The following SEC31A variants were observed in gnomAD, a reference collection of about 807,000 sequenced individuals.
SEC31A encodes protein transport protein Sec31A.
In SEC31A, 70 loss-of-function variants were observed where a neutral mutation model predicts 151.0. The ratio of observed to expected loss-of-function variants is 0.46; its 90% CI spans 0.38 to 0.57. SEC31A has a LOEUF of 0.57. Among genes scored for constraint, SEC31A ranks in the 20% least tolerant of loss-of-function variants. The pLI is 0.00. For missense variants in SEC31A, 1,330 were observed against 1,471.2 expected, an observed-to-expected ratio of 0.90 and a Z score of 1.57; for synonymous variants, 475 against 505.9, an observed-to-expected ratio of 0.94 and a Z score of 0.82.
At chr4:82,827,708 G>A (rs1724920235) in intron 23 of SEC31A, 76 bp from the exon 24 acceptor site, 2 of 1,500,576 alleles carry the variant, frequency 1.3e-6, no homozygotes, top group East Asian at 2.3e-5. Context: ...CTTAAAATAA[G>A]GGAGTTAGGT....
intron 2 of SEC31A, among the ~76,000 whole-genome samples, chr4:82,881,288 A>T (rs1389699521): frequency 6.6e-6 from 1 of 152,126 alleles, no homozygotes; most frequent in Non-Finnish European, 1.5e-5. Context: ...ACATGGTGAA[A>T]TCCCATCTCT....
intron 1 of SEC31A, 40 bp from the exon 2 acceptor site, chr4:82,881,980 T>C: frequency 6.8e-7 from 1 of 1,461,862 alleles, no homozygotes; most frequent in Non-Finnish European, 9.6e-7. Context: ...CTTGAATGAC[T>C]TGAATGTCTA....
At chr4:82,900,306 G>A (rs1720261465) in intron 1 of SEC31A, 1 of 167,594 alleles carries the variant, frequency 6.0e-6, no homozygotes, top group African/African-American at 2.4e-5. Flanking sequence ...ACACACCTAA[G>A]GCACCGTGTT....
intron 1 of SEC31A, among the ~76,000 whole-genome samples, chr4:82,889,106 C>T (rs1414556356): frequency 6.6e-6 from 1 of 152,168 alleles, no homozygotes; most frequent in African/African-American, 2.4e-5. Context: ...AGGTTCATTT[C>T]ACTCAACCCA....
intron 22 of SEC31A, 26 bp downstream of exon 22, chr4:82,842,114 A>C (rs1309996152): frequency 1.3e-6 from 2 of 1,515,728 alleles, no homozygotes; most frequent in Admixed American, 2.2e-5. Flanking sequence ...GGAGGGGGCC[A>C]AACCAAATCC....
intron 7 of SEC31A, chr4:82,871,371 T>G: frequency 6.6e-6 from 10 of 1,524,260 alleles, no homozygotes; most frequent in Non-Finnish European, 6.2e-6. Flanking sequence ...GTTTTACCTA[T>G]GGATGGGCAT....
rs561100292 is a variant in SEC31A at position 82,889,540 on chromosome 4, C to G, written c.-5+1548G>C. Among the ~76,000 whole-genome samples, 79 of 101,446 alleles carry G rather than the reference C, an allele frequency of 7.8e-4. 1 individual carries two copies. The South Asian group carries it at 0.022, about 28-fold the overall frequency. The allele number at this position is 101,446 out of a possible 152,430, so 66.6% of individuals were successfully genotyped here. On this transcript the variant is annotated intron_variant, in intron 1 of 26. Coordinates refer to ENST00000395310, the MANE Select transcript of SEC31A (RefSeq NM_001077207.4). Reference sequence around the variant, plus strand: ...CCAATCTGGGCAACAAAGAGGGACCCTGTCTCAAAAAAAAAAAAAAAGTAA... The same window carrying G: ...CCAATCTGGGCAACAAAGAGGGACCGTGTCTCAAAAAAAAAAAAAAAGTAA...
At chr4:82,833,226 TA>T (rs1726389193) in intron 22 of SEC31A, among the ~76,000 whole-genome samples, 1 of 152,000 alleles carries the variant, frequency 6.6e-6, no homozygotes, top group Non-Finnish European at 1.5e-5. Context: ...TATGCAGCCA[TA>T]AAAAAGGATG....
chr4:82,845,578 A>C (rs575911520), intron 20 of SEC31A, among the ~76,000 whole-genome samples: 1 of 152,266 alleles, frequency 6.6e-6, no homozygotes, highest in East Asian at 1.9e-4. Flanking sequence ...AATGCCATTC[A>C]AGTGTCAATT....
intron 14 of SEC31A, among the ~76,000 whole-genome samples, chr4:82,860,652 T>TA (rs570217873): frequency 7.8e-4 from 118 of 150,916 alleles, no homozygotes; most frequent in Non-Finnish European, 1.6e-3. Flanking sequence ...TTTTATTTTT[T>TA]TTTTTAGAGA....
At chr4:82,877,097 C>T (rs1005379724) in intron 4 of SEC31A, among the ~76,000 whole-genome samples, 2 of 152,042 alleles carry the variant, frequency 1.3e-5, no homozygotes, top group Non-Finnish European at 2.9e-5. Context: ...GGTGTTGTGG[C>T]TCATGCCTGT....
intron 6 of SEC31A, among the ~76,000 whole-genome samples, chr4:82,872,736 C>G (rs959814078): frequency 4.6e-5 from 7 of 151,748 alleles, no homozygotes; most frequent in Non-Finnish European, 1.0e-4. Context: ...TGGAGTCTCG[C>G]TCTGTCACCC....
chr4:82,881,002 A>T, intron 2 of SEC31A, 80 bp from the exon 3 acceptor site: 1 of 1,219,132 alleles, frequency 8.2e-7, no homozygotes, highest in South Asian at 1.4e-5. Context: ...AGTTAAAAGC[A>T]TGTTTTCCAT....
intron 20 of SEC31A, chr4:82,845,209 C>CA (rs746628728): frequency 1.0e-5 from 16 of 1,529,652 alleles, no homozygotes; most frequent in Non-Finnish European, 1.4e-5. Context: ...ACCTGTGTGT[C>CA]AGAGGGAGAG....
intron 22 of SEC31A, among the ~76,000 whole-genome samples, chr4:82,834,612 G>A (rs1726780242): frequency 6.6e-6 from 1 of 152,090 alleles, no homozygotes; most frequent in Non-Finnish European, 1.5e-5. Flanking sequence ...CTGAATAGAA[G>A]GCAATATTTT....
At chr4:82,861,460 T>C (rs1215407857) in intron 14 of SEC31A, among the ~76,000 whole-genome samples, 171 bp downstream of exon 14, 1 of 152,234 alleles carries the variant, frequency 6.6e-6, no homozygotes, top group East Asian at 1.9e-4. Context: ...AGTCTGGAGA[T>C]GATACTTCTG....
At chr4:82,867,641 T>C (rs1735693500) in intron 8 of SEC31A, among the ~76,000 whole-genome samples, 1 of 152,170 alleles carries the variant, frequency 6.6e-6, no homozygotes, top group Admixed American at 6.5e-5. Flanking sequence ...ACTTTTTTTT[T>C]TCTTTTTTGA....
chr4:82,858,035 T>C (rs926913980), intron 14 of SEC31A: 3 of 255,906 alleles, frequency 1.2e-5, no homozygotes, highest in Non-Finnish European at 2.3e-5. Context: ...CTCAGCACTT[T>C]AGGAGGCCAA....
At chr4:82,879,275 G>A (rs7656058) in intron 3 of SEC31A, among the ~76,000 whole-genome samples, 71,587 of 151,176 alleles carry the variant, frequency 0.47, 17,777 homozygotes, top group East Asian at 0.74. Context: ...ATTGCCTCTG[G>A]TTCATTGTAA....
Sources: allele counts gnomAD v4.1 joint callset (sites outside exome capture counted in the v4.1 genomes callset), GRCh38; gene constraint gnomAD v4.1.1; transcripts MANE v1.5; gene names NCBI Gene and HGNC (gene_info 2026-07-23, HGNC 2026-07-21).